SPOCK1: variants seen among roughly 807,000 people sequenced by gnomAD.
The protein encoded by SPOCK1 is SPARC (osteonectin), cwcv and kazal like domains proteoglycan 1, also known as testican-1.
In SPOCK1, 23 loss-of-function variants were observed where a neutral mutation model predicts 55.3. The observed-to-expected ratio is 0.42, with a 90% confidence interval of 0.30 to 0.59. The LOEUF is 0.59. SPOCK1 is among the 20% of genes least tolerant of loss of function. The pLI, the probability that SPOCK1 is intolerant of heterozygous loss-of-function variation, is 0.22. For synonymous variants in SPOCK1, 226 were observed against 221.0 expected, an observed-to-expected ratio of 1.02 and a Z score of -0.20; for missense variants, 499 against 552.5, an observed-to-expected ratio of 0.90 and a Z score of 0.97.
chr5:137,098,985 A>AT (rs1428959079), intron 5 of SPOCK1, among the ~76,000 whole-genome samples: 1 of 37,644 alleles, frequency 2.7e-5, no homozygotes, highest in Non-Finnish European at 8.0e-5. Context: ...AACAAATGAG[A>AT]GCAGGCTTTG....
At chr5:137,135,556 T>G (rs1743253125) in intron 4 of SPOCK1, among the ~76,000 whole-genome samples, 1 of 152,220 alleles carries the variant, frequency 6.6e-6, no homozygotes, top group Non-Finnish European at 1.5e-5. Flanking sequence ...AATGGGATCC[T>G]GGGCATCTAA....
chr5:137,336,840 T>C (rs1750291185), intron 2 of SPOCK1, among the ~76,000 whole-genome samples: 1 of 152,128 alleles, frequency 6.6e-6, no homozygotes, highest in African/African-American at 2.4e-5. Context: ...CCAGAGGAAT[T>C]AAACATTTTT....
chr5:137,383,740 C>G (rs1162893990), intron 2 of SPOCK1, among the ~76,000 whole-genome samples: 3 of 152,230 alleles, frequency 2.0e-5, no homozygotes, highest in African/African-American at 7.2e-5. Flanking sequence ...AGGCCCAGAC[C>G]ATCCTTGCAT....
intron 2 of SPOCK1, among the ~76,000 whole-genome samples, chr5:137,461,280 T>C (rs887981792): frequency 2.6e-5 from 4 of 152,244 alleles, no homozygotes; most frequent in Non-Finnish European, 5.9e-5. Flanking sequence ...GGGTATGTGA[T>C]GCTCAAGCAG....
At chr5:137,390,688 C>T (rs538919301) in intron 2 of SPOCK1, among the ~76,000 whole-genome samples, 11 of 152,316 alleles carry the variant, frequency 7.2e-5, no homozygotes, top group African/African-American at 2.2e-4. Flanking sequence ...TGCACATTAA[C>T]ATGGCCTGTC....
chr5:137,073,942 G>T (rs1184714768), intron 5 of SPOCK1, among the ~76,000 whole-genome samples: 2 of 152,138 alleles, frequency 1.3e-5, no homozygotes, highest in African/African-American at 2.4e-5. Flanking sequence ...GGGACCAAGG[G>T]TCCAAGCTAA....
intron 6 of SPOCK1, among the ~76,000 whole-genome samples, chr5:137,030,389 G>A (rs1051732496): frequency 2.0e-5 from 3 of 152,234 alleles, no homozygotes; most frequent in Non-Finnish European, 2.9e-5. Flanking sequence ...ATGGCAATTC[G>A]ATGCAAGAGC....
chr5:137,022,635 G>A (rs2126980795), intron 6 of SPOCK1, among the ~76,000 whole-genome samples: 1 of 152,288 alleles, frequency 6.6e-6, no homozygotes, highest in Non-Finnish European at 1.5e-5. Context: ...GCCTGGTTAA[G>A]CTCTGTGAGC....
intron 6 of SPOCK1, among the ~76,000 whole-genome samples, chr5:136,995,196 T>A (rs377285726): frequency 4.7e-4 from 72 of 152,310 alleles, no homozygotes; most frequent in African/African-American, 1.7e-3. Flanking sequence ...TGGAGCATCA[T>A]CATGATATTC....
chr5:137,082,560 T>C (rs1425712925), intron 5 of SPOCK1, among the ~76,000 whole-genome samples: 1 of 152,094 alleles, frequency 6.6e-6, no homozygotes, highest in Non-Finnish European at 1.5e-5. Context: ...TTTCAGGGAA[T>C]GGTGACATTG....
chr5:137,160,818 C>T, intron 3 of SPOCK1, among the ~76,000 whole-genome samples: 1 of 142,250 alleles, frequency 7.0e-6, no homozygotes, highest in South Asian at 2.1e-4. Flanking sequence ...TGTACAGATT[C>T]CTAAAAGAGC....
rs1380226839 is a variant in SPOCK1 at position 137,229,850 on chromosome 5, G to T, written c.232+37160C>A. Among the ~76,000 whole-genome samples, 4 of 152,190 alleles carry T rather than the reference G, an allele frequency of 2.6e-5. No homozygotes were observed. In the East Asian group the frequency reaches 7.7e-4, roughly 29 times the overall value. ...CCTCACATGTACAGCTCACAATAGG[G>T]TTCGTACTCCTATGAGAATCTAATA... On this transcript the variant is annotated intron_variant, in intron 3 of 10. Transcript: ENST00000394945.
intron 2 of SPOCK1, among the ~76,000 whole-genome samples, chr5:137,326,052 C>T (rs924526905): frequency 6.6e-5 from 10 of 152,124 alleles, no homozygotes; most frequent in South Asian, 2.1e-4. Context: ...CACTTCTTAC[C>T]GTATTCCCTT....
At chr5:137,138,468 A>G (rs1754030623) in intron 4 of SPOCK1, among the ~76,000 whole-genome samples, 1 of 150,162 alleles carries the variant, frequency 6.7e-6, no homozygotes, top group Non-Finnish European at 1.5e-5. Context: ...GTAGGAGGAA[A>G]CATGCAATGG....
At chr5:137,026,482 G>C (rs1304272541) in intron 6 of SPOCK1, among the ~76,000 whole-genome samples, 2 of 152,196 alleles carry the variant, frequency 1.3e-5, no homozygotes, top group Non-Finnish European at 2.9e-5. Flanking sequence ...CTTTGGGCTT[G>C]AAGTGCAGCA....
At chr5:137,200,262 C>T (rs1245776134) in intron 3 of SPOCK1, among the ~76,000 whole-genome samples, 1 of 152,204 alleles carries the variant, frequency 6.6e-6, no homozygotes, top group Non-Finnish European at 1.5e-5. Context: ...CTTCCCTCTC[C>T]CCAATGTCCC....
rs113065958 is a variant in SPOCK1, at chr5:137,029,314, G to C, written c.590-36714C>G. On this transcript the variant is annotated intron_variant, in intron 6 of 10. Coordinates refer to ENST00000394945, the MANE Select transcript of SPOCK1 (RefSeq NM_004598.4). ...TAAAACTAAGATCCAGACAGATCCA[G>C]GCTATAATAAATATGTCAAAGAAAA... is the stretch of plus-strand genomic sequence containing the variant. Among the ~76,000 whole-genome samples the C allele has an allele frequency of 5.2e-3, 796 of 152,240 alleles. 10 individuals are homozygous for C. Among genetic ancestry groups the C allele is most frequent in the African/African-American group, 0.018 (765 of 41,544 alleles).
intron 3 of SPOCK1, among the ~76,000 whole-genome samples, chr5:137,164,794 C>A (rs1243144375): frequency 6.6e-6 from 1 of 152,124 alleles, no homozygotes; most frequent in African/African-American, 2.4e-5. Context: ...TCCCTGTGAG[C>A]CTGTGATGGT....
intron 6 of SPOCK1, among the ~76,000 whole-genome samples, chr5:137,024,087 A>G (rs6898797): frequency 0.53 from 80,713 of 151,372 alleles, 24,475 homozygotes; most frequent in Non-Finnish European, 0.69. Context: ...TTATATTAAT[A>G]AGGTAGCTTC....
Sources: allele counts gnomAD v4.1 joint callset (sites outside exome capture counted in the v4.1 genomes callset), GRCh38; gene constraint gnomAD v4.1.1; transcripts MANE v1.5; gene names NCBI Gene and HGNC (gene_info 2026-07-23, HGNC 2026-07-21).